The following FAM78B variants were observed in gnomAD, a reference collection of about 807,000 sequenced individuals.
FAM78B encodes the protein protein FAM78B.
In FAM78B, 10 loss-of-function variants were observed where a neutral mutation model predicts 20.0. That is an observed-to-expected ratio of 0.50 (90% confidence interval 0.31 to 0.85). The LOEUF is 0.85. FAM78B is among the 40% of genes least tolerant of loss of function. The pLI, the probability that FAM78B is intolerant of heterozygous loss-of-function variation, is 0.05. For missense variants in FAM78B, 283 were observed against 345.0 expected, an observed-to-expected ratio of 0.82 and a Z score of 1.42; for synonymous variants, 135 against 132.8, an observed-to-expected ratio of 1.02 and a Z score of -0.12.
At chr1:166,160,495 A>C (rs1307532579) in intron 1 of FAM78B, among the ~76,000 whole-genome samples, 1 of 152,174 alleles carries the variant, frequency 6.6e-6, no homozygotes, top group Non-Finnish European at 1.5e-5. Context: ...TGACAGAAGT[A>C]AGCCCTGTGC....
At chr1:166,098,164 T>A (rs1414145361) in intron 1 of FAM78B, among the ~76,000 whole-genome samples, 1 of 151,990 alleles carries the variant, frequency 6.6e-6, no homozygotes, top group Non-Finnish European at 1.5e-5. Context: ...GGAAGCCACA[T>A]CCATAGGAAA....
At chr1:166,139,604 T>C (rs1340393256) in intron 1 of FAM78B, among the ~76,000 whole-genome samples, 2 of 151,776 alleles carry the variant, frequency 1.3e-5, no homozygotes, top group Non-Finnish European at 1.5e-5. Context: ...GAGGAGGAGG[T>C]GGCATTTGAA....
Position 166,152,945 on chromosome 1 carries a change from G to C in FAM78B, c.263+13041C>G, listed in dbSNP as rs563487606. Among the ~76,000 whole-genome samples the C allele has an allele frequency of 7.2e-5, 11 of 152,240 alleles. No individual in the cohort carries two copies. In the South Asian group the frequency reaches 2.3e-3, roughly 32 times the overall value. ...CCTGCCTTGGCCTCCCAAAGTGCTG[G>C]GATTACAGGCGTGAGTGCGCCCAGC... On this transcript the variant is annotated intron_variant, in intron 1 of 1. Coordinates refer to ENST00000354422, the MANE Select transcript of FAM78B (RefSeq NM_001017961.5).
chr1:166,078,770 C>T (rs1652438663), intron 1 of FAM78B, among the ~76,000 whole-genome samples: 1 of 152,082 alleles, frequency 6.6e-6, no homozygotes, highest in African/African-American at 2.4e-5. Context: ...TCTACTGATA[C>T]TAATGTCCCC....
At chr1:166,148,299 G>A (rs12743123) in intron 1 of FAM78B, among the ~76,000 whole-genome samples, 9,359 of 152,276 alleles carry the variant, frequency 0.061, 431 homozygotes, top group Non-Finnish European at 0.099. Context: ...ATTATTTGCT[G>A]TGCCCAGCTT....
At chr1:166,078,143 T>C (rs548468090) in intron 1 of FAM78B, among the ~76,000 whole-genome samples, 1 of 151,722 alleles carries the variant, frequency 6.6e-6, no homozygotes, top group South Asian at 2.1e-4. Flanking sequence ...GCAATTCTTC[T>C]GCCTCAGACT....
At chr1:166,113,646 CCTGCCACCCTT>C (rs1654144579) in intron 1 of FAM78B, among the ~76,000 whole-genome samples, 1 of 152,240 alleles carries the variant, frequency 6.6e-6, no homozygotes, top group Non-Finnish European at 1.5e-5. Context: ...TGGAGCCACA[CCTGCCACCCTT>C]CTGCAAGGCA....
intron 1 of FAM78B, 53 bp from the exon 2 acceptor site, chr1:166,070,816 A>T: frequency 6.7e-7 from 1 of 1,502,922 alleles, no homozygotes; most frequent in Non-Finnish European, 8.8e-7. Context: ...TGAATTTTTC[A>T]AAAGCTGGAG....
intron 1 of FAM78B, among the ~76,000 whole-genome samples, chr1:166,158,689 T>C (rs1656014497): frequency 6.6e-6 from 1 of 152,164 alleles, no homozygotes; most frequent in African/African-American, 2.4e-5. Flanking sequence ...TCTAGAACCA[T>C]CCTTAAATAC....
At chr1:166,116,116 G>A (rs935136654) in intron 1 of FAM78B, among the ~76,000 whole-genome samples, 5 of 152,138 alleles carry the variant, frequency 3.3e-5, no homozygotes, top group African/African-American at 1.2e-4. Flanking sequence ...TTGGCCCAAG[G>A]CCTGGTTGCA....
chr1:166,161,452 AT>A (rs1656145634), intron 1 of FAM78B, among the ~76,000 whole-genome samples: 1 of 152,224 alleles, frequency 6.6e-6, no homozygotes, highest in African/African-American at 2.4e-5. Context: ...ATGGTAAGTT[AT>A]TAAAAGGTTT....
intron 1 of FAM78B, among the ~76,000 whole-genome samples, chr1:166,070,969 A>T (rs1480393429): frequency 3.9e-5 from 6 of 152,212 alleles, no homozygotes; most frequent in Non-Finnish European, 8.8e-5. Flanking sequence ...CCATGCCAAA[A>T]CAAGTTAAAT....
At chr1:166,143,535 G>T (rs1022579063) in intron 1 of FAM78B, among the ~76,000 whole-genome samples, 3 of 152,160 alleles carry the variant, frequency 2.0e-5, no homozygotes, top group Admixed American at 2.0e-4. Flanking sequence ...AGGGAATGGG[G>T]AACCTTAGGA....
At chr1:166,076,356 A>ACC (rs886349128) in intron 1 of FAM78B, among the ~76,000 whole-genome samples, 4 of 151,806 alleles carry the variant, frequency 2.6e-5, no homozygotes, top group African/African-American at 7.3e-5. Flanking sequence ...ATAAACTCCC[A>ACC]CCTGAGGGCC....
intron 1 of FAM78B, among the ~76,000 whole-genome samples, chr1:166,136,300 C>A (rs1478062140): frequency 6.6e-6 from 1 of 152,200 alleles, no homozygotes; most frequent in East Asian, 1.9e-4. Flanking sequence ...CCAAGAAGTG[C>A]CAAGTGCTTT....
rs559100766 is a variant in FAM78B, at chr1:166,099,158, T to G, written c.264-28395A>C. On this transcript the variant is annotated intron_variant, in intron 1 of 1. Transcript: ENST00000354422. ...ATCCAGAGAAACCAAGCACCACATA[T>G]GAAGGAAAGATACAGTTGTTTTCAG... 9.2e-5 allele frequency among the ~76,000 whole-genome samples: 14 copies of G among 152,182 alleles called. No homozygotes were observed. In the East Asian group the frequency reaches 2.5e-3, roughly 27 times the overall value.
At chr1:166,084,208 C>CACACACAT (rs968144149) in intron 1 of FAM78B, among the ~76,000 whole-genome samples, 3 of 117,936 alleles carry the variant, frequency 2.5e-5, no homozygotes, top group African/African-American at 6.5e-5. Context: ...GTAGAAACCA[C>CACACACAT]ACACACACAC....
intron 1 of FAM78B, among the ~76,000 whole-genome samples, chr1:166,084,836 G>C (rs1209992186): frequency 6.6e-6 from 1 of 152,206 alleles, no homozygotes; most frequent in Non-Finnish European, 1.5e-5. Flanking sequence ...ACTCCTGCCT[G>C]CACATGGCCT....
rs558283209 is a variant in FAM78B at position 166,061,637 on chromosome 1, A to G, written c.*410-974T>C. Among the ~76,000 whole-genome samples the G allele has an allele frequency of 3.9e-5, 6 of 152,360 alleles. No individual in the cohort carries two copies. In the South Asian group the frequency reaches 1.2e-3, roughly 32 times the overall value. On this transcript the variant is annotated intron_variant and NMD_transcript_variant, in intron 2 of 2. Coordinates refer to the FAM78B transcript ENST00000435676. ...TTACATATATAATTGGGGACGTAAC[A>G]GCCTAGAAGCCATTCTAGAAAGTGT...
Sources: gnomAD v4.1 joint callset for allele counts (sites outside exome capture counted in the v4.1 genomes callset) on GRCh38, gnomAD v4.1.1 for gene constraint, MANE v1.5 for transcripts, NCBI Gene and HGNC (gene_info 2026-07-23, HGNC 2026-07-21) for gene names.